NUP107: variants seen among roughly 807,000 people sequenced by gnomAD.
NUP107 encodes nucleoporin 107.
NUP107 carries 101 observed loss-of-function variants against 141.0 expected under a neutral mutation model. The ratio of observed to expected loss-of-function variants is 0.72; its 90% CI spans 0.61 to 0.84. The LOEUF is 0.84. Ranked by LOEUF, NUP107 falls within the 40% of genes least tolerant of loss-of-function variation. The probability of loss-of-function intolerance (pLI) is 0.00; values close to 1 mark genes in which losing one functional copy is unlikely to be tolerated. For missense variants in NUP107, 941 were observed against 1,102.7 expected (o/e 0.85, Z 2.08); for synonymous variants, 319 against 363.9 (o/e 0.88, Z 1.41).
intron 20 of NUP107, among the ~76,000 whole-genome samples, chr12:68,729,090 G>A (rs1020952493): frequency 4.6e-5 from 7 of 152,188 alleles, no homozygotes; most frequent in Non-Finnish European, 8.8e-5. Flanking sequence ...TTTTATTGCA[G>A]TATGCAACTG....
chr12:68,710,094 G>A lies in NUP107; in HGVS notation c.890+1G>A. 1.4e-6 allele frequency: 2 copies of A among 1,437,380 alleles called. No homozygotes were observed. Among genetic ancestry groups the A allele is most frequent in the Non-Finnish European group, 1.9e-6 (2 of 1,025,908 alleles). The allele number at this position is 1,437,380 out of a possible 1,614,324, so 89.0% of individuals were successfully genotyped here. ...AGTTTTATGCAAAATCAGTATATTG[G>A]TAAGTTACCAAACTTTAATTCTTAA... On this transcript the variant is annotated splice_donor_variant, in intron 10 of 27. Transcript: ENST00000229179. LOFTEE classifies it high-confidence loss of function.
intron 20 of NUP107, among the ~76,000 whole-genome samples, chr12:68,729,110 A>G (rs1877702773): frequency 1.3e-5 from 2 of 152,190 alleles, no homozygotes; most frequent in African/African-American, 2.4e-5. Flanking sequence ...GAAGAGACCA[A>G]CAGCTCTTCA....
intron 1 of NUP107, chr12:68,687,297 C>G (rs956801517): frequency 3.0e-6 from 2 of 674,846 alleles, no homozygotes; most frequent in African/African-American, 3.6e-5. Context: ...TTTCCCACTA[C>G]GTTCTGCGAT....
chr12:68,701,450 G>A (rs1398125349), intron 7 of NUP107, among the ~76,000 whole-genome samples: 4 of 152,166 alleles, frequency 2.6e-5, no homozygotes, highest in Non-Finnish European at 1.5e-5. Flanking sequence ...GGGAGGCCAA[G>A]GTGGGTGGAT....
intron 1 of NUP107, 113 bp from the exon 2 acceptor site, chr12:68,688,849 G>A (rs1248125953): frequency 3.1e-6 from 2 of 634,988 alleles, no homozygotes; most frequent in African/African-American, 3.7e-5. Context: ...TTGGCTACTA[G>A]AATGACTATA....
At chr12:68,706,400 A>G in intron 8 of NUP107, 5 of 1,060,440 alleles carry the variant, frequency 4.7e-6, no homozygotes, top group Non-Finnish European at 5.8e-6. Flanking sequence ...CTCCCTGGAC[A>G]TGAACAGCAT....
chr12:68,741,748 G>T (rs533357950), intron 26 of NUP107, 65 bp from the exon 27 acceptor site: 6 of 1,475,824 alleles, frequency 4.1e-6, no homozygotes, highest in Non-Finnish European at 4.6e-6. Context: ...TCAGTACCTG[G>T]CTTTTCTTTT....
At chr12:68,728,719 C>CTT (rs34454032) in intron 20 of NUP107, among the ~76,000 whole-genome samples, 4 of 131,034 alleles carry the variant, frequency 3.1e-5, no homozygotes, top group Non-Finnish European at 3.3e-5. Flanking sequence ...CTGGACCTGT[C>CTT]TTTTTTTTTT....
chr12:68,717,809 C>T (rs1877177278), intron 12 of NUP107, among the ~76,000 whole-genome samples: 1 of 152,094 alleles, frequency 6.6e-6, no homozygotes, highest in Non-Finnish European at 1.5e-5. Context: ...GAGTTTTTAT[C>T]CTGCCTTTTT....
At chr12:68,710,379 C>G (rs566431272) in intron 10 of NUP107, among the ~76,000 whole-genome samples, 1 of 151,982 alleles carries the variant, frequency 6.6e-6, no homozygotes, top group African/African-American at 2.4e-5. Context: ...TAAAACAAGC[C>G]GGGTGTGATG....
chr12:68,693,693 A>G (rs1875921587), intron 5 of NUP107, among the ~76,000 whole-genome samples: 1 of 152,198 alleles, frequency 6.6e-6, no homozygotes, highest in Non-Finnish European at 1.5e-5. Context: ...TATTTGATAC[A>G]GTATCACTAG....
At chr12:68,721,756 T>C (rs1022323318) in intron 15 of NUP107, 85 bp from the exon 16 acceptor site, 1 of 1,290,794 alleles carries the variant, frequency 7.7e-7, no homozygotes, top group South Asian at 1.4e-5. Context: ...AGTGATTTTA[T>C]AGTCTGTATC....
Position 68,700,777 on chromosome 12 carries a change from T to A in NUP107, c.604T>A (p.Phe202Ile). The A allele has an allele frequency of 6.2e-7, 1 of 1,611,680 alleles. No homozygotes were observed. Among genetic ancestry groups the A allele is most frequent in the Non-Finnish European group, 8.5e-7 (1 of 1,179,408 alleles). Residue 202 changes from phenylalanine to isoleucine, a missense_variant, in exon 7 of 28, where the codon TTT (phenylalanine) becomes ATT (isoleucine). Transcript: ENST00000229179. ...TCGAGCAACACCTGGACTTCAAAAA[T>A]TTTCAAAAACAGCCAGTATGCTCTG... ...VSRATPGLQK[F>I]SKTASMLWLL...
At chr12:68,722,828 G>A (rs961905483) in intron 17 of NUP107, among the ~76,000 whole-genome samples, 1 of 151,882 alleles carries the variant, frequency 6.6e-6, no homozygotes, top group African/African-American at 2.4e-5. Flanking sequence ...TTAGAATAAT[G>A]TATGATTTAT....
intron 8 of NUP107, among the ~76,000 whole-genome samples, chr12:68,703,514 G>A (rs1053108893): frequency 7.9e-5 from 12 of 151,416 alleles, no homozygotes; most frequent in African/African-American, 2.4e-4. Flanking sequence ...GCAGTGGCAC[G>A]ATCATGGCTC....
intron 8 of NUP107, chr12:68,706,631 C>T: frequency 1.4e-6 from 1 of 709,730 alleles, no homozygotes. Flanking sequence ...TGGAGGCCGC[C>T]ATCGCAGATG....
At chr12:68,719,695 C>A in intron 14 of NUP107, 41 bp downstream of exon 14, 1 of 1,379,114 alleles carries the variant, frequency 7.3e-7, no homozygotes, top group Non-Finnish European at 1.0e-6. Flanking sequence ...TTTTTAACTC[C>A]AATTAATTGA....
chr12:68,734,068 C>G (rs1057378971), intron 24 of NUP107, among the ~76,000 whole-genome samples: 1 of 152,132 alleles, frequency 6.6e-6, no homozygotes, highest in Non-Finnish European at 1.5e-5. Flanking sequence ...CCTGGGAGTT[C>G]AAGACTGGCC....
intron 18 of NUP107, among the ~76,000 whole-genome samples, chr12:68,726,254 T>C (rs1361012416): frequency 6.6e-6 from 1 of 152,194 alleles, no homozygotes; most frequent in East Asian, 1.9e-4. Context: ...TTGATAAATA[T>C]TAACCTATTT....
Sources: allele counts gnomAD v4.1 joint callset (sites outside exome capture counted in the v4.1 genomes callset), GRCh38; gene constraint gnomAD v4.1.1; transcripts MANE v1.5; gene names NCBI Gene and HGNC (gene_info 2026-07-23, HGNC 2026-07-21).